GHR: variants seen among roughly 807,000 people sequenced by gnomAD.
GHR encodes growth hormone receptor, also known as GH receptor.
Under a neutral mutation model 67.1 loss-of-function variants are expected in GHR, and 35 were observed. The ratio of observed to expected loss-of-function variants is 0.52; its 90% CI spans 0.40 to 0.69. The LOEUF (loss-of-function observed/expected upper bound fraction) is 0.69. GHR is among the 30% of genes least tolerant of loss of function. GHR has a pLI of 0.00. For synonymous variants in GHR, 272 were observed against 269.1 expected (o/e 1.01, Z -0.10); for missense variants, 792 against 764.6 (o/e 1.04, Z -0.42).
chr5:42,451,974 A>G (rs6871782), intron 1 of GHR, among the ~76,000 whole-genome samples: 3,357 of 152,168 alleles, frequency 0.022, 124 homozygotes, highest in African/African-American at 0.077. Context: ...ACTTTTTAAA[A>G]TTATGTTATT....
chr5:42,455,147 C>T (rs1744207915), intron 1 of GHR, among the ~76,000 whole-genome samples: 1 of 152,174 alleles, frequency 6.6e-6, no homozygotes, highest in Admixed American at 6.5e-5. Flanking sequence ...ATCCTTCTCT[C>T]ATGATCTGGA....
intron 1 of GHR, among the ~76,000 whole-genome samples, chr5:42,458,554 T>TAG (rs1744355726): frequency 6.6e-6 from 1 of 152,142 alleles, no homozygotes; most frequent in Non-Finnish European, 1.5e-5. Flanking sequence ...AATGGCATTC[T>TAG]CGACATAGGA....
At chr5:42,663,092 G>T (rs1055510795) in intron 3 of GHR, among the ~76,000 whole-genome samples, 35 of 152,170 alleles carry the variant, frequency 2.3e-4, no homozygotes, top group Non-Finnish European at 4.7e-4. Flanking sequence ...TGAAATTGTG[G>T]CTATAATCAA....
intron 8 of GHR, among the ~76,000 whole-genome samples, chr5:42,716,437 C>T: frequency 6.6e-6 from 1 of 152,114 alleles, no homozygotes; most frequent in East Asian, 1.9e-4. Flanking sequence ...GCCATACAGT[C>T]TCTATCACAG....
At chr5:42,474,275 GAAAGAAAGAA>G (rs1561325314) in intron 1 of GHR, among the ~76,000 whole-genome samples, 4 of 107,620 alleles carry the variant, frequency 3.7e-5, no homozygotes, top group African/African-American at 1.4e-4. Flanking sequence ...AAGAAAGAAA[GAAAGAAAGAA>G]AAAGAGAAAG....
chr5:42,424,188 G>C lies in GHR; in HGVS notation c.-12+233G>C, dbSNP rs936443055. On this transcript the variant is annotated intron_variant, in intron 1 of 9. Transcript: ENST00000230882. The surrounding 1 kb of genome is among the most constrained non-coding windows in gnomAD (Gnocchi z 4.1). The stretch of plus-strand genomic sequence containing the variant: ...CCCAATCTAGTGTGTGTGTGTGTGT[G>C]TGTGTGTGTGTGTGTGTGTGTGTGT... Among the ~76,000 whole-genome samples the C allele has an allele frequency of 6.7e-6, 1 of 149,562 alleles. No homozygotes were observed. The highest frequency in any genetic ancestry group is 2.5e-5 in the African/African-American group (1 of 40,684).
At chr5:42,709,794 T>TGTCTA (rs1758362237) in intron 6 of GHR, among the ~76,000 whole-genome samples, 1 of 152,080 alleles carries the variant, frequency 6.6e-6, no homozygotes, top group Non-Finnish European at 1.5e-5. Context: ...TACTTGCACT[T>TGTCTA]AGACTTGGAT....
intron 1 of GHR, among the ~76,000 whole-genome samples, chr5:42,488,069 G>T (rs186790126): frequency 1.4e-3 from 212 of 152,290 alleles, no homozygotes; most frequent in Non-Finnish European, 2.4e-3. Flanking sequence ...CTTGCTGTGT[G>T]CATGCTCTGG....
chr5:42,618,046 G>A (rs1388491013), intron 2 of GHR, among the ~76,000 whole-genome samples: 3 of 151,906 alleles, frequency 2.0e-5, no homozygotes, highest in Non-Finnish European at 4.4e-5. Flanking sequence ...ACCCATAAAG[G>A]ATACTTCTCA....
chr5:42,719,933 A>G lies in GHR; in HGVS notation c.*509A>G, dbSNP rs1375838119. 1.6e-5 allele frequency: 3 copies of G among 186,638 alleles called. No homozygotes were observed. The highest frequency in any genetic ancestry group is 3.2e-5 in the Non-Finnish European group (3 of 92,494). The allele number at this position is 186,638 out of a possible 1,614,324, so 11.6% of individuals were successfully genotyped here. Reference sequence around the variant, plus strand: ...GAAGGCAAAAATAGTTTGGATATGTAAAACATTTATTTTGACATAAAGTTG... The same window carrying G: ...GAAGGCAAAAATAGTTTGGATATGTGAAACATTTATTTTGACATAAAGTTG... On this transcript the variant is annotated 3_prime_UTR_variant, in exon 10 of 10. Transcript: ENST00000230882.
intron 3 of GHR, among the ~76,000 whole-genome samples, chr5:42,664,887 C>G (rs2112879215): frequency 6.6e-6 from 1 of 152,228 alleles, no homozygotes; most frequent in South Asian, 2.1e-4. Flanking sequence ...TGAACTCAAA[C>G]AAATCTACAG....
At position 42,489,537 on chromosome 5, in the gene GHR, A is replaced by C. The variant is rs114488086; in HGVS notation, c.-12+65582A>C. Among the ~76,000 whole-genome samples the C allele has an allele frequency of 7.7e-3, 1,168 of 152,254 alleles. 12 individuals carry two copies. Among genetic ancestry groups the C allele is most frequent in the Middle Eastern group, 0.027 (8 of 294 alleles). On this transcript the variant is annotated intron_variant, in intron 1 of 9. Transcript: ENST00000230882. Reference sequence around the variant, plus strand: ...ACACACACATAAACTTGTTTTATGCATTGATTGCCATTTATTGAGCAGCAT... The same window carrying C: ...ACACACACATAAACTTGTTTTATGCCTTGATTGCCATTTATTGAGCAGCAT...
intron 1 of GHR, among the ~76,000 whole-genome samples, chr5:42,478,447 G>A (rs1232694715): frequency 6.6e-6 from 1 of 152,012 alleles, no homozygotes; most frequent in African/African-American, 2.4e-5. Flanking sequence ...TGATGGGGAT[G>A]GCATTGAATC....
intron 3 of GHR, among the ~76,000 whole-genome samples, chr5:42,636,182 C>A (rs997350192): frequency 2.1e-5 from 3 of 144,262 alleles, no homozygotes; most frequent in African/African-American, 8.0e-5. Flanking sequence ...TGGACTCCAG[C>A]CTGGGCGACA....
chr5:42,651,915 A>C (rs1217406595), intron 3 of GHR, among the ~76,000 whole-genome samples: 2 of 152,192 alleles, frequency 1.3e-5, no homozygotes, highest in Non-Finnish European at 2.9e-5. Flanking sequence ...ACTATATCTT[A>C]AAATATTTGG....
rs1758872395 is a variant in GHR at position 42,718,937 on chromosome 5, A to C, written c.1430A>C (p.Asn477Thr). The part of the protein sequence containing the change: ...THQAAHIQLS[N>T]PSSLSNIDFY... ...CAAGCTGCCCATATTCAGCTAAGCA[A>C]TCCAAGTTCACTGTCAAACATCGAC... is the stretch of plus-strand genomic sequence containing the variant. The change falls in exon 10 of 10, where the codon AAT (asparagine) becomes ACT (threonine). Residue 477 changes from asparagine to threonine, a missense_variant. By Grantham distance (65) the Asn-to-Thr change is moderately conservative. Transcript: ENST00000230882. 6.2e-7 allele frequency: 1 copy of C among 1,613,964 alleles called. No individual in the cohort carries two copies.
intron 1 of GHR, among the ~76,000 whole-genome samples, chr5:42,533,892 T>C (rs2112349414): frequency 6.9e-6 from 1 of 145,330 alleles, no homozygotes; most frequent in Middle Eastern, 3.5e-3. Flanking sequence ...TGCATCCTCA[T>C]AGCTTAGCCC....
At chr5:42,513,377 C>T (rs907244730) in intron 1 of GHR, among the ~76,000 whole-genome samples, 4 of 152,170 alleles carry the variant, frequency 2.6e-5, no homozygotes, top group African/African-American at 7.2e-5. Context: ...ATATAGAGGC[C>T]GGTTATCTTT....
At chr5:42,653,455 C>G (rs1022243906) in intron 3 of GHR, among the ~76,000 whole-genome samples, 10 of 152,028 alleles carry the variant, frequency 6.6e-5, no homozygotes, top group Admixed American at 3.9e-4. Flanking sequence ...AGTCATTGAT[C>G]AAAAAGCACC....
Sources: gnomAD v4.1 joint callset for allele counts (sites outside exome capture counted in the v4.1 genomes callset) on GRCh38, gnomAD v4.1.1 for gene constraint, Gnocchi (gnomAD v3.1) non-coding constraint, MANE v1.5 for transcripts, NCBI Gene and HGNC (gene_info 2026-07-23, HGNC 2026-07-21) for gene names.